Variants in SH3TC2 observed in about 807,000 individuals in gnomAD.
The protein encoded by SH3TC2 is SH3 domain and tetratricopeptide repeats 2.
SH3TC2 carries 87 observed loss-of-function variants against 124.5 expected under a neutral mutation model. That is an observed-to-expected ratio of 0.70 (90% confidence interval 0.59 to 0.84). The LOEUF (loss-of-function observed/expected upper bound fraction) is 0.84, where lower values mean the gene tolerates loss of function less well. Ranked by LOEUF, SH3TC2 falls within the 40% of genes least tolerant of loss-of-function variation. SH3TC2 has a pLI of 0.00. For missense variants in SH3TC2, 1,536 were observed against 1,566.4 expected, an observed-to-expected ratio of 0.98 and a Z score of 0.33; for synonymous variants, 634 against 628.5, an observed-to-expected ratio of 1.01 and a Z score of -0.13.
chr5:149,028,069 T>C lies in SH3TC2; in HGVS notation c.1663A>G (p.Ile555Val), dbSNP rs747994052. The change falls in exon 11 of 17, where the codon ATC (isoleucine) becomes GTC (valine). Residue 555 changes from isoleucine (I) to valine (V), a missense_variant. Coordinates refer to ENST00000515425, the MANE Select transcript of SH3TC2 (RefSeq NM_024577.4). The stretch of plus-strand genomic sequence containing the variant: ...TCAAATGCTCCATTGAGAATGTGGA[T>C]GGCCTCCTCGAAGTACACCCTGGCC... ...SQARVYFEEA[I>V]HILNGAFEDL... The C allele has an allele frequency of 2.5e-6, 4 of 1,614,092 alleles. No individual in the cohort carries two copies. The South Asian group carries it at 3.3e-5, about 13-fold the overall frequency.
rs1034685466 is a variant in SH3TC2, at chr5:148,982,549, C to G, written c.*22162G>C. Among the ~76,000 whole-genome samples the G allele has an allele frequency of 1.3e-5, 2 of 152,162 alleles. No homozygotes were observed. The highest frequency in any genetic ancestry group is 2.9e-5 in the Non-Finnish European group (2 of 68,020). On this transcript the variant is annotated 3_prime_UTR_variant, in exon 17 of 17. Transcript: ENST00000515425. ...GTTATTCCCATCATGCAAGGAGATACTTTACAGCTGTAAAAATGAATGAGG... is the reference window on the plus strand; with the variant it reads ...GTTATTCCCATCATGCAAGGAGATAGTTTACAGCTGTAAAAATGAATGAGG...
intron 14 of SH3TC2, 87 bp downstream of exon 14, chr5:149,010,183 G>A: frequency 1.3e-6 from 2 of 1,569,776 alleles, no homozygotes; most frequent in Non-Finnish European, 1.8e-6. Context: ...CAAGAGAGGA[G>A]AAGAGGGACT....
At chr5:149,047,702 T>C in intron 3 of SH3TC2, 160 bp downstream of exon 3, 1 of 985,444 alleles carries the variant, frequency 1.0e-6, no homozygotes, top group African/African-American at 1.6e-5. Flanking sequence ...TCCACTCCTG[T>C]GCAGAGAATG....
intron 8 of SH3TC2, among the ~76,000 whole-genome samples, chr5:149,033,110 C>T (rs549285595): frequency 1.3e-5 from 2 of 152,190 alleles, no homozygotes; most frequent in Admixed American, 6.5e-5. Flanking sequence ...CAGAACTGTT[C>T]AGTGACATGC....
rs774001683 is a variant in SH3TC2 at position 149,028,521 on chromosome 5, G to C, written c.1211C>G (p.Pro404Arg). Residue 404 changes from proline (P) to arginine (R), a missense_variant, in exon 11 of 17, where the codon CCT becomes CGT. Physicochemically the swap from Pro to Arg is moderately radical, Grantham distance 103. This residue lies in a region of SH3TC2 where 1,102 missense variants were observed against 1,098.6 expected (regional missense o/e 1.00). Transcript: ENST00000515425. ...SQPEGFKEVR[P>R]GRAWEEHQAV... ...CTGATGCTCCTCCCAGGCTCTGCCA[G>C]GCCTGACCTCCTTGAAACCTTCAGG... 2.5e-6 allele frequency: 4 copies of C among 1,613,978 alleles called. No homozygotes were observed. In the South Asian group the frequency reaches 4.4e-5, roughly 18 times the overall value.
Position 148,996,345 on chromosome 5 carries a change from T to G in SH3TC2, c.*8366A>C, listed in dbSNP as rs1340418116. Among the ~76,000 whole-genome samples the G allele has an allele frequency of 6.6e-6, 1 of 152,068 alleles. No homozygotes were observed. Among genetic ancestry groups the G allele is most frequent in the Non-Finnish European group, 1.5e-5 (1 of 68,014 alleles). ...AGAAAGAAAAGAATGCCACAGGACT[T>G]GGAAGAGGATCAGAATATCAGTTTA... On this transcript the variant is annotated 3_prime_UTR_variant, in exon 17 of 17. Coordinates refer to ENST00000515425, the MANE Select transcript of SH3TC2 (RefSeq NM_024577.4).
At chr5:149,037,243 T>C (rs755703515) in intron 8 of SH3TC2, among the ~76,000 whole-genome samples, 25 of 152,186 alleles carry the variant, frequency 1.6e-4, no homozygotes, top group Non-Finnish European at 2.6e-4. Context: ...ATATTTTACA[T>C]TGTGCAAAGC....
chr5:148,987,040 T>C lies in SH3TC2; in HGVS notation c.*17671A>G, dbSNP rs1307089881. Reference sequence around the variant, plus strand: ...TTAATTCCCCAGCTAATGTATTTCATGGTAGTTCATTGTGCTTAATTCTCT... The same window carrying C: ...TTAATTCCCCAGCTAATGTATTTCACGGTAGTTCATTGTGCTTAATTCTCT... On this transcript the variant is annotated 3_prime_UTR_variant, in exon 17 of 17. Coordinates refer to ENST00000515425, the MANE Select transcript of SH3TC2 (RefSeq NM_024577.4). Among the ~76,000 whole-genome samples the C allele has an allele frequency of 3.9e-5, 6 of 152,268 alleles. No individual in the cohort carries two copies. The highest frequency in any genetic ancestry group is 8.8e-5 in the Non-Finnish European group (6 of 68,050).
chr5:149,050,037 C>T (rs1754530001), intron 2 of SH3TC2, among the ~76,000 whole-genome samples: 1 of 152,130 alleles, frequency 6.6e-6, no homozygotes, highest in South Asian at 2.1e-4. Context: ...GATCCAAAAT[C>T]CCCCATTCGT....
At chr5:149,012,103 T>C (rs144486843) in intron 13 of SH3TC2, among the ~76,000 whole-genome samples, 52 of 152,240 alleles carry the variant, frequency 3.4e-4, no homozygotes, top group Non-Finnish European at 5.7e-4. Flanking sequence ...ACTCTAGGCT[T>C]TTCTCTCTTC....
chr5:149,016,982 G>A (rs1265380251), intron 12 of SH3TC2, among the ~76,000 whole-genome samples: 1 of 150,772 alleles, frequency 6.6e-6, no homozygotes, highest in Non-Finnish European at 1.5e-5. Context: ...GGCTACTGTT[G>A]TATTCACATG....
At position 148,994,127 on chromosome 5, in the gene SH3TC2, G is replaced by C. The variant is rs1390762560; in HGVS notation, c.*10584C>G. On this transcript the variant is annotated 3_prime_UTR_variant, in exon 17 of 17. Coordinates refer to ENST00000515425, the MANE Select transcript of SH3TC2 (RefSeq NM_024577.4). ...TGTTCAGGTGAACAAGATCTATCTAGCTTAAGTTCCATAAAATTTATCAAA... is the reference window on the plus strand; with the variant it reads ...TGTTCAGGTGAACAAGATCTATCTACCTTAAGTTCCATAAAATTTATCAAA... 1.3e-5 allele frequency among the ~76,000 whole-genome samples: 2 copies of C among 152,100 alleles called. No individual in the cohort carries two copies. Among genetic ancestry groups the C allele is most frequent in the African/African-American group, 4.8e-5 (2 of 41,420 alleles).
rs1296097685 is a variant in SH3TC2 at position 148,984,806 on chromosome 5, G to T, written c.*19905C>A. On this transcript the variant is annotated 3_prime_UTR_variant, in exon 17 of 17. Transcript: ENST00000515425. The stretch of plus-strand genomic sequence containing the variant: ...AACTTATACTCAGAAGGAGGCATCT[G>T]CTTCCTGCTTCACCTTGAAGGTTAT... Among the ~76,000 whole-genome samples the T allele has an allele frequency of 6.6e-6, 1 of 152,184 alleles. No individual in the cohort carries two copies. Among genetic ancestry groups the T allele is most frequent in the Non-Finnish European group, 1.5e-5 (1 of 68,048 alleles).
intron 12 of SH3TC2, among the ~76,000 whole-genome samples, chr5:149,025,031 A>G (rs551777149): frequency 4.7e-4 from 71 of 152,264 alleles, no homozygotes; most frequent in Non-Finnish European, 8.1e-4. Flanking sequence ...GTTCCTTAGA[A>G]TCCAACTTTT....
chr5:148,983,406 G>A lies in SH3TC2; in HGVS notation c.*21305C>T, dbSNP rs766869411. ...AGTGGATGAAAATAGCTCAAAAGGAGATAGCAAGGAGCACCAAGAAAAAAT... is the reference window on the plus strand; with the variant it reads ...AGTGGATGAAAATAGCTCAAAAGGAAATAGCAAGGAGCACCAAGAAAAAAT... On this transcript the variant is annotated 3_prime_UTR_variant, in exon 17 of 17. Coordinates refer to ENST00000515425, the MANE Select transcript of SH3TC2 (RefSeq NM_024577.4). 2.6e-5 allele frequency among the ~76,000 whole-genome samples: 4 copies of A among 152,194 alleles called. No homozygotes were observed. Among genetic ancestry groups the A allele is most frequent in the Non-Finnish European group, 4.4e-5 (3 of 68,032 alleles).
At position 149,057,327 on chromosome 5, in the gene SH3TC2, C is replaced by T. The variant is rs55932628; in HGVS notation, c.53-5087G>A. ...TGCTTTCATTGGGAACATTTCCATA[C>T]GCTTTTTTTATGACTTTTTTTTTCT... On this transcript the variant is annotated intron_variant, in intron 1 of 16. Transcript: ENST00000515425. Among the ~76,000 whole-genome samples, 324 of 152,216 alleles carry T rather than the reference C, an allele frequency of 2.1e-3. 1 individual carries two copies. The highest frequency in any genetic ancestry group is 7.4e-3 in the African/African-American group (309 of 41,536).
rs5872108 is a variant in SH3TC2, at chr5:149,023,583, C to CTTTTTTTTTTTTTTT, written c.3053+2974_3053+2988dup. On this transcript the variant is annotated intron_variant, in intron 12 of 16. Coordinates refer to ENST00000515425, the MANE Select transcript of SH3TC2 (RefSeq NM_024577.4). ...TATAACCTTCAATAATAGTGTAATC[C>CTTTTTTTTTTTTTTT]TTTTTTTTTTTTTTTTTTGAGAGAC... is the stretch of plus-strand genomic sequence containing the variant. 1.0e-3 allele frequency among the ~76,000 whole-genome samples: 107 copies of CTTTTTTTTTTTTTTT among 107,230 alleles called. 3 individuals are homozygous for CTTTTTTTTTTTTTTT. The highest frequency in any genetic ancestry group is 1.5e-3 in the African/African-American group (41 of 26,504). The allele number at this position is 107,230 out of a possible 152,430, so 70.3% of individuals were successfully genotyped here.
chr5:149,047,811 C>A, intron 3 of SH3TC2, 51 bp downstream of exon 3: 1 of 1,610,452 alleles, frequency 6.2e-7, no homozygotes, highest in African/African-American at 1.3e-5. Flanking sequence ...GATCCTGTAG[C>A]AGACTGACAC....
chr5:149,062,160 G>A (rs1754763052), intron 1 of SH3TC2, among the ~76,000 whole-genome samples: 1 of 152,020 alleles, frequency 6.6e-6, no homozygotes, highest in South Asian at 2.1e-4. Context: ...GGTTAGGAAT[G>A]ATTCCTTGGA....
Sources: gnomAD v4.1 joint callset for allele counts (sites outside exome capture counted in the v4.1 genomes callset) on GRCh38, gnomAD v4.1.1 for gene constraint, gnomAD v4.1.1 regional missense constraint, MANE v1.5 for transcripts, NCBI Gene and HGNC (gene_info 2026-07-23, HGNC 2026-07-21) for gene names.